BCKDHA: variants seen among roughly 807,000 people sequenced by gnomAD.
BCKDHA encodes 2-oxoisovalerate dehydrogenase subunit alpha, mitochondrial.
In BCKDHA, 43 loss-of-function variants were observed where a neutral mutation model predicts 52.2. That is an observed-to-expected ratio of 0.82 (90% CI 0.64 to 1.06). The LOEUF (loss-of-function observed/expected upper bound fraction) is 1.06, where lower values mean the gene tolerates loss of function less well. BCKDHA is among the 50% of genes least tolerant of loss of function. The probability of loss-of-function intolerance (pLI) is 0.00; values close to 1 mark genes in which losing one functional copy is unlikely to be tolerated. For missense variants in BCKDHA, 527 were observed against 621.3 expected, an observed-to-expected ratio of 0.85 and a Z score of 1.61; for synonymous variants, 234 against 247.9, an observed-to-expected ratio of 0.94 and a Z score of 0.53.
chr19:41,409,751 G>A (rs1205269511), intron 1 of BCKDHA, among the ~76,000 whole-genome samples: 1 of 151,846 alleles, frequency 6.6e-6, no homozygotes, highest in Non-Finnish European at 1.5e-5. Flanking sequence ...ACAAGGAAGG[G>A]GACACGTGGA....
chr19:41,422,905 C>A (rs764053883), intron 7 of BCKDHA, 93 bp from the exon 8 acceptor site: 83 of 1,572,120 alleles, frequency 5.3e-5, no homozygotes, highest in Non-Finnish European at 7.1e-5. Flanking sequence ...TATTCCGTTT[C>A]CACTCCTCCT....
At chr19:41,416,829 G>T (rs1016960515) in intron 4 of BCKDHA, among the ~76,000 whole-genome samples, 3 of 152,122 alleles carry the variant, frequency 2.0e-5, no homozygotes, top group African/African-American at 7.2e-5. Flanking sequence ...TGAGTGGGAG[G>T]ATTGCTTGAG....
chr19:41,399,677 TCCTCTCCTCC>T (rs2039115937), intron 1 of BCKDHA: 1 of 151,858 alleles, frequency 6.6e-6, no homozygotes, highest in Non-Finnish European at 1.5e-5. Flanking sequence ...CCTTCTCCTC[TCCTCTCCTCC>T]CCTCTCCTTT....
chr19:41,422,269 A>G lies in BCKDHA; in HGVS notation c.752A>G (p.Asn251Ser), dbSNP rs748382347. Residue 251 changes from asparagine to serine, a missense_variant, in exon 6 of 9, where the codon AAC (asparagine) becomes AGC (serine). Physicochemically the swap from Asn to Ser is conservative, Grantham distance 46. Coordinates refer to ENST00000269980, the MANE Select transcript of BCKDHA (RefSeq NM_000709.4). ...ASEGDAHAGF[N>S]FAATLECPII... ...GAGGGGGACGCCCATGCCGGCTTCA[A>G]CTTCGCTGCCACACTTGAGTGCCCC... The G allele has an allele frequency of 1.2e-6, 2 of 1,614,218 alleles. No individual in the cohort carries two copies. Among genetic ancestry groups the G allele is most frequent in the African/African-American group, 1.3e-5 (1 of 75,064 alleles).
chr19:41,397,891 C>T lies in BCKDHA; in HGVS notation c.64C>T (p.Leu22Phe), dbSNP rs372313153. Residue 22 changes from leucine (L) to phenylalanine (F), a missense_variant, in exon 1 of 9, where the codon CTC becomes TTC. Physicochemically the swap from Leu to Phe is conservative, Grantham distance 22. Coordinates refer to ENST00000269980, the MANE Select transcript of BCKDHA (RefSeq NM_000709.4). The part of the protein sequence containing the change: ...RLNRGLSQAA[L>F]LLLRQPGARG... ...AAACCGTGGTTTGAGCCAGGCTGCCCTCCTGCTGCTGCGGCAGCCTGGGGC... is the reference window on the plus strand; with the variant it reads ...AAACCGTGGTTTGAGCCAGGCTGCCTTCCTGCTGCTGCGGCAGCCTGGGGC... The T allele has an allele frequency of 2.5e-6, 4 of 1,614,004 alleles. No homozygotes were observed. Among genetic ancestry groups the T allele is most frequent in the African/African-American group, 2.7e-5 (2 of 74,940 alleles).
At position 41,397,939 on chromosome 19, in the gene BCKDHA, A is replaced by T. The variant is rs2039094032; in HGVS notation, c.108+4A>T. On this transcript the variant is annotated splice_donor_region_variant and intron_variant, in intron 1 of 8. Coordinates refer to ENST00000269980, the MANE Select transcript of BCKDHA (RefSeq NM_000709.4). ...GGCTCGGGGACTGGCTAGATCTGTG[A>T]GTACCTGGGCCCCAGGCGGTTTTCC... The T allele has an allele frequency of 6.2e-7, 1 of 1,613,034 alleles. No homozygotes were observed. Among genetic ancestry groups the T allele is most frequent in the Non-Finnish European group, 8.5e-7 (1 of 1,179,296 alleles).
intron 1 of BCKDHA, 95 bp from the exon 2 acceptor site, chr19:41,410,542 C>T: frequency 7.0e-7 from 1 of 1,431,654 alleles, no homozygotes; most frequent in Non-Finnish European, 9.6e-7. Flanking sequence ...GCCACATGCT[C>T]AACCACCATG....
chr19:41,424,532 G>A lies in BCKDHA; in HGVS notation c.1262G>A (p.Arg421His), dbSNP rs535975575. The A allele has an allele frequency of 9.3e-6, 15 of 1,614,084 alleles. No homozygotes were observed. The highest frequency in any genetic ancestry group is 7.7e-5 in the South Asian group (7 of 91,082). The change falls in exon 9 of 9, where the codon CGC (arginine) becomes CAC (histidine). Residue 421 changes from arginine to histidine, a missense_variant. Transcript: ENST00000269980. ...TATCAGGAGATGCCCGCCCAGCTCC[G>A]CAAGCAGCAGGAGTCTCTGGCCCGC... ...DVYQEMPAQL[R>H]KQQESLARHL...
At chr19:41,417,826 G>A (rs2039321563) in intron 4 of BCKDHA, among the ~76,000 whole-genome samples, 1 of 152,032 alleles carries the variant, frequency 6.6e-6, no homozygotes, top group Non-Finnish European at 1.5e-5. Flanking sequence ...TCAGGAGGCT[G>A]AGGCAGGAGA....
At chr19:41,398,758 G>A (rs2039104576) in intron 1 of BCKDHA, among the ~76,000 whole-genome samples, 3 of 152,220 alleles carry the variant, frequency 2.0e-5, no homozygotes, top group Non-Finnish European at 4.4e-5. Flanking sequence ...TTGAACTACA[G>A]TTGACAGATA....
chr19:41,424,525 C>G lies in BCKDHA; in HGVS notation c.1255C>G (p.Gln419Glu). Reference protein sequence around the residue: ...FSDVYQEMPAQLRKQQESLAR... With the variant: ...FSDVYQEMPAELRKQQESLAR... Reference sequence around the variant, plus strand: ...AGACGTGTATCAGGAGATGCCCGCCCAGCTCCGCAAGCAGCAGGAGTCTCT... The same window carrying G: ...AGACGTGTATCAGGAGATGCCCGCCGAGCTCCGCAAGCAGCAGGAGTCTCT... The change falls in exon 9 of 9, where the codon CAG becomes GAG. Residue 419 changes from glutamine to glutamate, a missense_variant. Physicochemically the swap from Gln to Glu is conservative, Grantham distance 29 (BLOSUM62 2). Coordinates refer to ENST00000269980, the MANE Select transcript of BCKDHA (RefSeq NM_000709.4). 1 of 1,614,176 alleles carries G rather than the reference C, an allele frequency of 6.2e-7. No homozygotes were observed. The highest frequency in any genetic ancestry group is 8.5e-7 in the Non-Finnish European group (1 of 1,180,018).
At chr19:41,398,122 C>T (rs974686818) in intron 1 of BCKDHA, among the ~76,000 whole-genome samples, 187 bp downstream of exon 1, 2 of 152,148 alleles carry the variant, frequency 1.3e-5, no homozygotes, top group Non-Finnish European at 2.9e-5. Context: ...AAAGAACTTC[C>T]ACTTCTTTAG....
intron 1 of BCKDHA, among the ~76,000 whole-genome samples, chr19:41,410,381 C>T (rs2039238164): frequency 6.6e-6 from 1 of 152,190 alleles, no homozygotes. Flanking sequence ...CACAACAGTC[C>T]TATGGGATAG....
chr19:41,419,395 G>A lies in BCKDHA; in HGVS notation c.646+99G>A, dbSNP rs2122135432. Reference sequence around the variant, plus strand: ...GCCTGCCTTCTGGGTGGAATTCTGGGTTGGTGACACCACTAGAGCCCTGGT... The same window carrying A: ...GCCTGCCTTCTGGGTGGAATTCTGGATTGGTGACACCACTAGAGCCCTGGT... On this transcript the variant is annotated intron_variant, in intron 5 of 8. Coordinates refer to ENST00000269980, the MANE Select transcript of BCKDHA (RefSeq NM_000709.4). The A allele has an allele frequency of 2.1e-6, 3 of 1,432,266 alleles. No individual in the cohort carries two copies. The South Asian group carries it at 3.7e-5, about 18-fold the overall frequency. The allele number at this position is 1,432,266 out of a possible 1,614,324, so 88.7% of individuals were successfully genotyped here. A position where few individuals can be genotyped will look rare whatever the true frequency, so the allele number is the denominator to read the frequency against.
chr19:41,398,165 G>A (rs1424673906), intron 1 of BCKDHA, among the ~76,000 whole-genome samples: 1 of 152,148 alleles, frequency 6.6e-6, no homozygotes, highest in Non-Finnish European at 1.5e-5. Context: ...ACTTCTTTGT[G>A]GGCCCTGAGG....
At chr19:41,418,676 A>T (rs1599958124) in intron 4 of BCKDHA, 5 of 438,124 alleles carry the variant, frequency 1.1e-5, no homozygotes, top group Non-Finnish European at 2.3e-5. Flanking sequence ...AACCACAGGC[A>T]CACATCACCA....
At chr19:41,424,128 C>T (rs941959773) in intron 8 of BCKDHA, among the ~76,000 whole-genome samples, 4 of 152,172 alleles carry the variant, frequency 2.6e-5, no homozygotes, top group Admixed American at 2.6e-4. Flanking sequence ...GTGGTGAGGG[C>T]AGCACCCGGC....
rs200242482 is a variant in BCKDHA at position 41,410,878 on chromosome 19, C to G, written c.289-45C>G. 2,398 of 1,613,788 alleles carry G rather than the reference C, an allele frequency of 1.5e-3. 23 individuals are homozygous for G. Among genetic ancestry groups the G allele is most frequent in the African/African-American group, 9.8e-3 (739 of 75,026 alleles). ...CGCCCAGGCCCCTTGCCTGTCTCCT[C>G]TCTGGTCCCAACTGCCCCACGTCTA... is the stretch of plus-strand genomic sequence containing the variant. On this transcript the variant is annotated intron_variant, in intron 2 of 8. Transcript: ENST00000269980.
chr19:41,416,870 A>T (rs4803469), intron 4 of BCKDHA, among the ~76,000 whole-genome samples: 1 of 151,902 alleles, frequency 6.6e-6, no homozygotes, highest in South Asian at 2.1e-4. Flanking sequence ...GTGAGCTATG[A>T]TTCCACCACC....
Sources: gnomAD v4.1 joint callset for allele counts (sites outside exome capture counted in the v4.1 genomes callset) on GRCh38, gnomAD v4.1.1 for gene constraint, MANE v1.5 for transcripts, NCBI Gene and HGNC (gene_info 2026-07-23, HGNC 2026-07-21) for gene names.